The following CHL1 variants were observed in gnomAD, a reference collection of about 807,000 sequenced individuals.
The protein encoded by CHL1 is neural cell adhesion molecule L1-like protein.
In CHL1, 96 loss-of-function variants were observed where a neutral mutation model predicts 141.9. That is an observed-to-expected ratio of 0.68 (90% CI 0.57 to 0.80). CHL1 has a LOEUF of 0.80. Among genes scored for constraint, CHL1 ranks in the 30% least tolerant of loss-of-function variants. CHL1 has a pLI of 0.00. For missense variants in CHL1, 1,820 were observed against 1,457.2 expected (o/e 1.25, Z -4.05); for synonymous variants, 613 against 502.2 (o/e 1.22, Z -2.95).
At chr3:251,862 G>T (rs181409779) in intron 2 of CHL1, among the ~76,000 whole-genome samples, 20 of 152,034 alleles carry the variant, frequency 1.3e-4, no homozygotes, top group Non-Finnish European at 2.6e-4. Context: ...TGTTTCAGTG[G>T]GATGTTTAAT....
chr3:334,115 C>A (rs1177917597), intron 5 of CHL1, among the ~76,000 whole-genome samples: 2 of 152,094 alleles, frequency 1.3e-5, no homozygotes, highest in African/African-American at 4.8e-5. Flanking sequence ...TACCACCATG[C>A]CCACCTATAA....
intron 5 of CHL1, among the ~76,000 whole-genome samples, chr3:333,544 A>G (rs1186728396): frequency 6.6e-6 from 1 of 152,184 alleles, no homozygotes; most frequent in Non-Finnish European, 1.5e-5. Flanking sequence ...AACAGAATGT[A>G]CCATTTTTAT....
chr3:218,582 A>G (rs536870303), intron 1 of CHL1, among the ~76,000 whole-genome samples: 1 of 152,334 alleles, frequency 6.6e-6, no homozygotes, highest in Non-Finnish European at 1.5e-5. Flanking sequence ...GTTTTAGCCC[A>G]TATATTGATG....
chr3:385,581 G>A (rs1275184197), intron 19 of CHL1: 2 of 152,382 alleles, frequency 1.3e-5, no homozygotes, highest in Non-Finnish European at 2.9e-5. Flanking sequence ...TGTAATCCCA[G>A]CACTTTGGGA....
intron 3 of CHL1, among the ~76,000 whole-genome samples, chr3:322,211 A>T (rs758332875): frequency 6.6e-6 from 1 of 152,076 alleles, no homozygotes; most frequent in South Asian, 2.1e-4. Flanking sequence ...ATGTTGGTTT[A>T]TGAATATCCA....
At chr3:330,479 A>T (rs1181650864) in intron 5 of CHL1, among the ~76,000 whole-genome samples, 4 of 152,132 alleles carry the variant, frequency 2.6e-5, no homozygotes, top group Non-Finnish European at 5.9e-5. Context: ...ACTGGAGTGA[A>T]GGGAGAAAAT....
At chr3:259,478 T>G (rs1694503383) in intron 2 of CHL1, among the ~76,000 whole-genome samples, 1 of 152,146 alleles carries the variant, frequency 6.6e-6, no homozygotes, top group Non-Finnish European at 1.5e-5. Flanking sequence ...ATTTTATTTT[T>G]CCTTAGCCTG....
chr3:231,342 C>T (rs1260028049), intron 1 of CHL1, among the ~76,000 whole-genome samples: 1 of 152,064 alleles, frequency 6.6e-6, no homozygotes, highest in East Asian at 1.9e-4. Flanking sequence ...CCACCCTCAT[C>T]ATTACCACTG....
chr3:256,059 C>T (rs1694131274), intron 2 of CHL1, among the ~76,000 whole-genome samples: 1 of 146,548 alleles, frequency 6.8e-6, no homozygotes, highest in South Asian at 2.3e-4. Context: ...TCTACAGCAT[C>T]TATCAATAAT....
intron 2 of CHL1, among the ~76,000 whole-genome samples, chr3:258,280 CAT>C (rs1273426535): frequency 1.3e-5 from 2 of 152,184 alleles, no homozygotes; most frequent in Non-Finnish European, 2.9e-5. Context: ...AATTATGAGT[CAT>C]GTGTTATAGG....
intron 12 of CHL1, among the ~76,000 whole-genome samples, chr3:361,263 A>C (rs1023120740): frequency 6.7e-6 from 1 of 150,190 alleles, no homozygotes; most frequent in Non-Finnish European, 1.5e-5. Flanking sequence ...AAAACCATAA[A>C]AACCCTAGAA....
chr3:337,350 C>G (rs1264389325), intron 5 of CHL1, among the ~76,000 whole-genome samples: 1 of 120,072 alleles, frequency 8.3e-6, no homozygotes, highest in African/African-American at 3.2e-5. Context: ...GCCACCACGC[C>G]CGGCTAATTT....
chr3:391,928 C>T (rs1039633742), intron 23 of CHL1, 131 bp downstream of exon 23: 3 of 698,398 alleles, frequency 4.3e-6, no homozygotes, highest in African/African-American at 1.9e-5. Context: ...TCCTTGTAGC[C>T]CAGGGGTCTG....
chr3:371,438 TTTTGCTTTCCATTTGC>T (rs908663341), intron 15 of CHL1, among the ~76,000 whole-genome samples: 2 of 152,190 alleles, frequency 1.3e-5, no homozygotes, highest in Non-Finnish European at 2.9e-5. Flanking sequence ...CCCTGCTTTG[TTTTGCTTTCCATTTGC>T]TTGGTAAATT....
At chr3:229,442 A>C (rs1478855259) in intron 1 of CHL1, among the ~76,000 whole-genome samples, 1 of 152,190 alleles carries the variant, frequency 6.6e-6, no homozygotes, top group African/African-American at 2.4e-5. Flanking sequence ...AGGTATGCGA[A>C]GTGAATAATC....
intron 19 of CHL1, among the ~76,000 whole-genome samples, chr3:386,080 G>A (rs1707678844): frequency 6.6e-6 from 1 of 151,882 alleles, no homozygotes; most frequent in Non-Finnish European, 1.5e-5. Context: ...CCTGCGGAAA[G>A]GAGTTAGACT....
intron 2 of CHL1, among the ~76,000 whole-genome samples, chr3:281,897 A>G (rs961236993): frequency 2.0e-5 from 3 of 152,142 alleles, no homozygotes; most frequent in African/African-American, 7.2e-5. Context: ...TGCTTTGTAA[A>G]TACCTTTGAA....
chr3:258,932 A>G (rs1559347912), intron 2 of CHL1, among the ~76,000 whole-genome samples: 4 of 136,944 alleles, frequency 2.9e-5, no homozygotes, highest in Non-Finnish European at 6.2e-5. Flanking sequence ...GTATGGCAAC[A>G]TCTTTTTTTT....
intron 11 of CHL1, 105 bp from the exon 12 acceptor site, chr3:360,178 TA>T: frequency 7.6e-7 from 1 of 1,320,338 alleles, no homozygotes; most frequent in Non-Finnish European, 1.0e-6. Context: ...TTAGTCACCC[TA>T]AACTGGTTTG....
Sources: allele counts gnomAD v4.1 joint callset (sites outside exome capture counted in the v4.1 genomes callset), GRCh38; gene constraint gnomAD v4.1.1; transcripts MANE v1.5; gene names NCBI Gene and HGNC (gene_info 2026-07-23, HGNC 2026-07-21).